CBARP: variants seen among roughly 807,000 people sequenced by gnomAD.
CBARP encodes the protein voltage-dependent calcium channel beta subunit-associated regulatory protein.
CBARP carries 24 observed loss-of-function variants against 36.3 expected under a neutral mutation model. The observed-to-expected ratio is 0.66, with a 90% CI of 0.48 to 0.93. CBARP has a LOEUF of 0.93. Among genes scored for constraint, CBARP ranks in the 40% least tolerant of loss-of-function variants. CBARP has a pLI of 0.00. For synonymous variants in CBARP, 586 were observed against 453.2 expected, an observed-to-expected ratio of 1.29 and a Z score of -3.72; for missense variants, 1,146 against 980.4, an observed-to-expected ratio of 1.17 and a Z score of -2.26.
rs920495364 is a variant in CBARP, at chr19:1,235,432, G to A, written c.310+69C>T. 4.7e-5 allele frequency: 68 copies of A among 1,461,060 alleles called. 1 individual carries two copies. The East Asian group carries it at 1.0e-3, about 22-fold the overall frequency. The allele number at this position is 1,461,060 out of a possible 1,614,324, so 90.5% of individuals were successfully genotyped here. ...ACAGACACAGACGGTCAGGCAGCCC[G>A]AGGGGGCGGCGGGTGGCCGAGGGGC... On this transcript the variant is annotated intron_variant, in intron 4 of 9. Transcript: ENST00000650044.
intron 9 of CBARP, chr19:1,230,346 T>A (rs78681901): frequency 0.042 from 41,887 of 986,584 alleles, 1,012 homozygotes; most frequent in East Asian, 0.13. Flanking sequence ...CGCCTGCTTA[T>A]TAAGCAGGGT....
In CBARP at chr19:1,231,146, G is replaced by A. The variant is rs1425480239; in HGVS notation, c.1109C>T (p.Pro370Leu). The change falls in exon 9 of 10, where the codon CCG becomes CTG. Residue 370 changes from proline to leucine, a missense_variant. Coordinates refer to ENST00000650044, the MANE Select transcript of CBARP (RefSeq NM_001393918.1). ...IARAGDAVAF[P>L]HPRPFLASPP... ...GCTGGCCAGAAAGGGGCGGGGGTGC[G>A]GGAAGGCCACGGCGTCGCCCGCCCG... 6.9e-6 allele frequency: 11 copies of A among 1,600,592 alleles called. No homozygotes were observed. Among genetic ancestry groups the A allele is most frequent in the African/African-American group, 1.3e-5 (1 of 74,750 alleles).
intron 1 of CBARP, 61 bp downstream of exon 1, chr19:1,237,695 G>C (rs955013822): frequency 5.3e-5 from 8 of 151,780 alleles, no homozygotes; most frequent in African/African-American, 1.9e-4. Flanking sequence ...GCCCACAGCC[G>C]GCTGCGATCC....
In CBARP at chr19:1,231,074, C is replaced by G. The variant is rs771357082; in HGVS notation, c.1154+27G>C. The G allele has an allele frequency of 6.9e-6, 11 of 1,588,170 alleles. No homozygotes were observed. In the Admixed American group the frequency reaches 1.4e-4, roughly 20 times the overall value. On this transcript the variant is annotated intron_variant, in intron 9 of 9. Coordinates refer to ENST00000650044, the MANE Select transcript of CBARP (RefSeq NM_001393918.1). ...GGGGCAAGGGCCCACAGGTCCACCC[C>G]TAGCACCTCCATCTACTGAAAAATA...
At position 1,229,657 on chromosome 19, in the gene CBARP, T is replaced by C; in HGVS notation, c.1640A>G (p.Asp547Gly). ...GCGCAGGAACTCGTGGAACAGCGCG[T>C]CCGTCTTCTCGTCGATGCTGTAGTC... Reference protein sequence around the residue: ...RRDYSIDEKTDALFHEFLRHD... With the variant: ...RRDYSIDEKTGALFHEFLRHD... The change falls in exon 10 of 10, where the codon GAC (aspartate) becomes GGC (glycine). Residue 547 changes from aspartate to glycine, a missense_variant. Asp to Gly is a moderately conservative substitution (Grantham distance 94). Coordinates refer to ENST00000650044, the MANE Select transcript of CBARP (RefSeq NM_001393918.1). The surrounding 1 kb of genome is among the most constrained non-coding windows in gnomAD (Gnocchi z 5.1). 1.7e-6 allele frequency: 2 copies of C among 1,159,946 alleles called. No homozygotes were observed. Among genetic ancestry groups the C allele is most frequent in the Non-Finnish European group, 2.2e-6 (2 of 925,612 alleles). The allele number at this position is 1,159,946 out of a possible 1,614,324, so 71.9% of individuals were successfully genotyped here. A position where few individuals can be genotyped will look rare whatever the true frequency, so the allele number is the denominator to read the frequency against.
rs761156037 is a variant in CBARP at position 1,233,583 on chromosome 19, C to T, written c.822G>A (p.Gly274=). ...TKAGGPGAAA[G]PGEAGPGSGA... ...CGGATCCCGGGCCCGCCTCCCCAGG[C>T]CCTGCTGCAGCCCCGGGCCCTCCAG... Residue 274 remains glycine, a synonymous_variant, in exon 8 of 10, where the codon GGG becomes GGA. Transcript: ENST00000650044. The T allele has an allele frequency of 4.3e-6, 7 of 1,610,864 alleles. No homozygotes were observed. The South Asian group carries it at 7.7e-5, about 18-fold the overall frequency.
rs978638740 is a variant in CBARP, at chr19:1,233,512, G to A, written c.893C>T (p.Ala298Val). The A allele has an allele frequency of 6.2e-7, 1 of 1,606,764 alleles. No homozygotes were observed. Among genetic ancestry groups the A allele is most frequent in the Non-Finnish European group, 8.5e-7 (1 of 1,177,520 alleles). The change falls in exon 8 of 10, where the codon GCC (alanine) becomes GTC (valine). Residue 298 changes from alanine to valine, a missense_variant. Transcript: ENST00000650044. ...ATAGGGGCTGGCCCCATCCAGGCTG[G>A]CATGGCGGCGCAGGCGGGTGAGGAA... ...LQFLTRLRRHASLDGASPYFK... is the reference protein window; with the variant it reads ...LQFLTRLRRHVSLDGASPYFK...
intron 8 of CBARP, 137 bp downstream of exon 8, chr19:1,233,289 G>C: frequency 1.1e-6 from 1 of 904,232 alleles, no homozygotes; most frequent in East Asian, 2.7e-5. Context: ...CCCGCTGGCA[G>C]ACTGGGCAGG....
rs368975309 is a variant in CBARP, at chr19:1,234,326, C to G, written c.633G>C (p.Pro211=). Reference sequence around the variant, plus strand: ...CAGAGCGGCCGGTGAGGGCCTTCCCCGGGGGCTGTGGGACAGAGCCAGGTG... The same window carrying G: ...CAGAGCGGCCGGTGAGGGCCTTCCCGGGGGGCTGTGGGACAGAGCCAGGTG... ...PKATLAIFQP[P]GKALTGRSVG... is the part of the protein sequence containing the mutation. The change falls in exon 7 of 10, where the codon CCG becomes CCC. Residue 211 remains proline, a synonymous_variant. Coordinates refer to ENST00000650044, the MANE Select transcript of CBARP (RefSeq NM_001393918.1). 76 of 1,442,518 alleles carry G rather than the reference C, an allele frequency of 5.3e-5. No individual in the cohort carries two copies. Among genetic ancestry groups the G allele is most frequent in the Non-Finnish European group, 6.8e-5 (74 of 1,095,542 alleles). 89.4% of individuals were successfully genotyped at this position (1,442,518 alleles called of 1,614,324 possible). A position where few individuals can be genotyped will look rare whatever the true frequency, so the allele number is the denominator to read the frequency against.
At chr19:1,235,657 T>C (rs2080959209) in intron 3 of CBARP, 92 bp from the exon 4 acceptor site, 8 of 1,586,286 alleles carry the variant, frequency 5.0e-6, no homozygotes, top group Non-Finnish European at 6.0e-6. Flanking sequence ...GCCCTGCGCA[T>C]CACCCAGTCT....
intron 7 of CBARP, among the ~76,000 whole-genome samples, chr19:1,233,865 G>T (rs531020223): frequency 1.3e-5 from 2 of 152,348 alleles, no homozygotes; most frequent in Admixed American, 1.3e-4. Context: ...ATGGGGTTTG[G>T]AGAGAAAAGG....
chr19:1,231,912 T>TGG (rs2080899532), intron 8 of CBARP, among the ~76,000 whole-genome samples: 3 of 151,932 alleles, frequency 2.0e-5, no homozygotes, highest in African/African-American at 7.3e-5. Flanking sequence ...GCAGCCCTGG[T>TGG]CAACATGTGG....
In CBARP at chr19:1,236,077, G is replaced by A; in HGVS notation, c.24C>T (p.Ala8=). The part of the protein sequence containing the change: MQPTATM[A]TAATTTTTTT... ...TGGTGGTGGTGGTGGTGGCGGCTGT[G>A]GCCATGGTGGCTGTGGGCTGCATTC... Residue 8 remains alanine, a synonymous_variant, in exon 2 of 10, where the codon GCC becomes GCT. Transcript: ENST00000650044. 1 of 1,497,342 alleles carries A rather than the reference G, an allele frequency of 6.7e-7. No homozygotes were observed. Among genetic ancestry groups the A allele is most frequent in the Non-Finnish European group, 8.9e-7 (1 of 1,127,612 alleles). The allele number at this position is 1,497,342 out of a possible 1,614,324, so 92.8% of individuals were successfully genotyped here.
In CBARP at chr19:1,229,401, G is replaced by A. The variant is rs1367459801; in HGVS notation, c.1896C>T (p.Gly632=). ...GGATGGCGGGGTCGTCGCCGGCGCC[G>A]CCCAGGGTGCGACCGTCGGGCGGGC... The part of the protein sequence containing the change: ...VDGPPDGRTL[G]GAGDDPAIPV... Residue 632 remains glycine (G), a synonymous_variant, in exon 10 of 10, where the codon GGC becomes GGT. Transcript: ENST00000650044. The surrounding 1 kb of genome is among the most constrained non-coding windows in gnomAD (Gnocchi z 5.1). 3 of 1,074,640 alleles carry A rather than the reference G, an allele frequency of 2.8e-6. No individual in the cohort carries two copies. The highest frequency in any genetic ancestry group is 3.4e-6 in the Non-Finnish European group (3 of 877,802). 66.6% of individuals were successfully genotyped at this position (1,074,640 alleles called of 1,614,324 possible).
intron 8 of CBARP, 108 bp from the exon 9 acceptor site, chr19:1,231,383 C>A (rs559620738): frequency 2.1e-5 from 29 of 1,396,684 alleles, no homozygotes; most frequent in Middle Eastern, 2.6e-4. Context: ...TGCCTGTGCC[C>A]CCCCGCCACA....
chr19:1,233,278 G>A (rs761063262), intron 8 of CBARP, 148 bp downstream of exon 8: 108 of 853,922 alleles, frequency 1.3e-4, no homozygotes, highest in Non-Finnish European at 1.7e-4. Flanking sequence ...CAGGCAGCAC[G>A]CCCGCTGGCA....
At chr19:1,230,477 G>A (rs991206243) in intron 9 of CBARP, 2 of 1,001,330 alleles carry the variant, frequency 2.0e-6, no homozygotes, top group Non-Finnish European at 2.4e-6. Flanking sequence ...GGAGCCGCAG[G>A]GGATGGACTG....
chr19:1,232,402 A>C (rs1344840021), intron 8 of CBARP, among the ~76,000 whole-genome samples: 1 of 152,130 alleles, frequency 6.6e-6, no homozygotes, highest in East Asian at 1.9e-4. Flanking sequence ...TCATGCTGAC[A>C]GCACCTTCTC....
At position 1,234,672 on chromosome 19, in the gene CBARP, G is replaced by A; in HGVS notation, c.526C>T (p.Leu176Phe). ...CACTCGTGGATGGTGACAATCTTGA[G>A]GGGCGGCAGGTGCAGGTGCGTGAGC... ...ARLTHLHLPP[L>F]KIVTIHECDS... Residue 176 changes from leucine (L) to phenylalanine (F), a missense_variant, in exon 6 of 10, where the codon CTC (leucine) becomes TTC (phenylalanine). By Grantham distance (22) the Leu-to-Phe change is conservative. Transcript: ENST00000650044. 24 of 1,612,704 alleles carry A rather than the reference G, an allele frequency of 1.5e-5. No homozygotes were observed. Among genetic ancestry groups the A allele is most frequent in the Non-Finnish European group, 1.9e-5 (22 of 1,179,654 alleles).
Sources: gnomAD v4.1 joint callset for allele counts (sites outside exome capture counted in the v4.1 genomes callset) on GRCh38, gnomAD v4.1.1 for gene constraint, Gnocchi (gnomAD v3.1) non-coding constraint, MANE v1.5 for transcripts, NCBI Gene and HGNC (gene_info 2026-07-23, HGNC 2026-07-21) for gene names.